Variants in MMP16 observed in about 807,000 individuals in gnomAD.
The protein encoded by MMP16 is matrix metallopeptidase 16.
Under a neutral mutation model 67.8 loss-of-function variants are expected in MMP16, and 12 were observed. The ratio of observed to expected loss-of-function variants is 0.18; its 90% confidence interval spans 0.11 to 0.29. The LOEUF (loss-of-function observed/expected upper bound fraction) is 0.29, where lower values mean the gene tolerates loss of function less well. Ranked by LOEUF, MMP16 falls within the 10% of genes least tolerant of loss-of-function variation. The pLI is 1.00. For synonymous variants in MMP16, 249 were observed against 255.9 expected (o/e 0.97, Z 0.26); for missense variants, 475 against 765.7 (o/e 0.62, Z 4.48).
At chr8:88,131,877 T>C (rs971427884) in intron 4 of MMP16, among the ~76,000 whole-genome samples, 1 of 151,916 alleles carries the variant, frequency 6.6e-6, no homozygotes, top group Non-Finnish European at 1.5e-5. Context: ...TTTTAGTATG[T>C]TTTATTTTGA....
At chr8:88,312,166 A>G (rs1243270478) in intron 1 of MMP16, among the ~76,000 whole-genome samples, 7 of 152,276 alleles carry the variant, frequency 4.6e-5, no homozygotes, top group African/African-American at 1.7e-4. Context: ...AGCTGAGAAG[A>G]GAGATGCCAA....
Position 88,186,136 on chromosome 8 carries a change from G to C in MMP16, c.404+340C>G, listed in dbSNP as rs529266871. Among the ~76,000 whole-genome samples, 3 of 151,936 alleles carry C rather than the reference G, an allele frequency of 2.0e-5. No individual in the cohort carries two copies. The East Asian group carries it at 5.8e-4, about 29-fold the overall frequency. ...TCAACAACATTCTGTTTAAATAGCAGTTATTTATATATTTTATTATTTGAT... is the reference window on the plus strand; with the variant it reads ...TCAACAACATTCTGTTTAAATAGCACTTATTTATATATTTTATTATTTGAT... On this transcript the variant is annotated intron_variant, in intron 3 of 9. Coordinates refer to ENST00000286614, the MANE Select transcript of MMP16 (RefSeq NM_005941.5).
At chr8:88,295,761 G>C (rs1811002874) in intron 1 of MMP16, among the ~76,000 whole-genome samples, 1 of 152,086 alleles carries the variant, frequency 6.6e-6, no homozygotes. Context: ...AAAGAAGTAA[G>C]GTAATTCTGA....
chr8:88,133,149 G>A (rs2118479579), intron 4 of MMP16, among the ~76,000 whole-genome samples: 1 of 151,580 alleles, frequency 6.6e-6, no homozygotes, highest in South Asian at 2.1e-4. Context: ...TACTGTTTTG[G>A]GAATTCATGT....
chr8:88,269,186 A>G (rs1450491053), intron 1 of MMP16, among the ~76,000 whole-genome samples: 1 of 152,088 alleles, frequency 6.6e-6, no homozygotes, highest in African/African-American at 2.4e-5. Flanking sequence ...CATCTTAAGA[A>G]TTTTTTAACT....
chr8:88,153,846 A>C lies in MMP16; in HGVS notation c.709+13823T>G, dbSNP rs185884049. Among the ~76,000 whole-genome samples the C allele has an allele frequency of 7.6e-3, 1,154 of 152,068 alleles. 12 individuals carry two copies. The highest frequency in any genetic ancestry group is 0.027 in the African/African-American group (1,100 of 41,458). On this transcript the variant is annotated intron_variant, in intron 4 of 9. Coordinates refer to ENST00000286614, the MANE Select transcript of MMP16 (RefSeq NM_005941.5). ...CCAAAACACCAAAAGCAATGGCAACAAAAGCCAAAAGTGACAAATGGGATC... is the reference window on the plus strand; with the variant it reads ...CCAAAACACCAAAAGCAATGGCAACCAAAGCCAAAAGTGACAAATGGGATC...
intron 1 of MMP16, among the ~76,000 whole-genome samples, chr8:88,299,891 C>T (rs558685815): frequency 6.6e-6 from 1 of 152,238 alleles, no homozygotes; most frequent in South Asian, 2.1e-4. Context: ...CATCCCATGT[C>T]TTTCCAGATT....
Position 88,183,915 on chromosome 8 carries a change from T to A in MMP16, c.404+2561A>T, listed in dbSNP as rs539767353. Among the ~76,000 whole-genome samples, 379 of 151,714 alleles carry A rather than the reference T, an allele frequency of 2.5e-3. 2 individuals carry two copies. The highest frequency in any genetic ancestry group is 4.0e-3 in the Non-Finnish European group (274 of 67,914). Reference sequence around the variant, plus strand: ...TTATTTATTTAGTATTTATTTATTTTTTTTTATTTTAGTATAGACAGGGTT... The same window carrying A: ...TTATTTATTTAGTATTTATTTATTTATTTTTATTTTAGTATAGACAGGGTT... On this transcript the variant is annotated intron_variant, in intron 3 of 9. Coordinates refer to ENST00000286614, the MANE Select transcript of MMP16 (RefSeq NM_005941.5).
intron 4 of MMP16, among the ~76,000 whole-genome samples, chr8:88,119,343 T>C (rs1807780942): frequency 6.6e-6 from 1 of 152,040 alleles, no homozygotes; most frequent in South Asian, 2.1e-4. Context: ...AGAGCTGAGA[T>C]TGGGACTCAA....
At chr8:88,060,852 T>A (rs1808389957) in intron 7 of MMP16, among the ~76,000 whole-genome samples, 1 of 152,020 alleles carries the variant, frequency 6.6e-6, no homozygotes, top group African/African-American at 2.4e-5. Context: ...GAACCATGTT[T>A]AATATTACAT....
intron 1 of MMP16, among the ~76,000 whole-genome samples, chr8:88,219,268 G>C (rs1409438761): frequency 6.6e-6 from 1 of 151,826 alleles, no homozygotes; most frequent in Non-Finnish European, 1.5e-5. Context: ...TCGCACATCA[G>C]GCAAATCTCA....
At chr8:88,134,558 C>A (rs1350847683) in intron 4 of MMP16, among the ~76,000 whole-genome samples, 1 of 151,452 alleles carries the variant, frequency 6.6e-6, no homozygotes, top group Non-Finnish European at 1.5e-5. Context: ...GTATTATACA[C>A]TGTCAAAGAT....
intron 6 of MMP16, among the ~76,000 whole-genome samples, chr8:88,110,841 T>G (rs983972309): frequency 4.6e-5 from 7 of 151,680 alleles, no homozygotes; most frequent in African/African-American, 1.5e-4. Context: ...TTGAGTTAAT[T>G]AATATGATGA....
At chr8:88,225,943 G>A (rs767606152) in intron 1 of MMP16, among the ~76,000 whole-genome samples, 1 of 151,770 alleles carries the variant, frequency 6.6e-6, no homozygotes, top group Non-Finnish European at 1.5e-5. Flanking sequence ...TAGAAATAGC[G>A]CATTCATTCC....
At chr8:88,200,364 A>G (rs1809323520) in intron 1 of MMP16, among the ~76,000 whole-genome samples, 1 of 152,028 alleles carries the variant, frequency 6.6e-6, no homozygotes, top group Admixed American at 6.6e-5. Context: ...CTTTAAGGCA[A>G]ACTTTGACTC....
intron 4 of MMP16, among the ~76,000 whole-genome samples, chr8:88,124,581 C>G (rs1314601029): frequency 1.3e-5 from 2 of 151,956 alleles, no homozygotes; most frequent in Non-Finnish European, 2.9e-5. Context: ...ACGATGGCCA[C>G]CCTGTCAAGC....
At chr8:88,315,838 C>G (rs1302566841) in intron 1 of MMP16, among the ~76,000 whole-genome samples, 1 of 152,054 alleles carries the variant, frequency 6.6e-6, no homozygotes, top group Admixed American at 6.6e-5. Flanking sequence ...CAAGATAGGC[C>G]AAGAGCTAGG....
At chr8:88,061,563 T>C (rs190916177) in intron 7 of MMP16, among the ~76,000 whole-genome samples, 113 of 152,172 alleles carry the variant, frequency 7.4e-4, no homozygotes, top group African/African-American at 2.6e-3. Flanking sequence ...CTTCCAGGCT[T>C]TTTTTAGTGA....
At chr8:88,231,289 T>A (rs892860523) in intron 1 of MMP16, among the ~76,000 whole-genome samples, 4 of 152,308 alleles carry the variant, frequency 2.6e-5, no homozygotes, top group Middle Eastern at 3.4e-3. Context: ...CGGTTCTAGA[T>A]ATAACCCAGT....
Sources: allele counts gnomAD v4.1 joint callset (sites outside exome capture counted in the v4.1 genomes callset), GRCh38; gene constraint gnomAD v4.1.1; transcripts MANE v1.5; gene names NCBI Gene and HGNC (gene_info 2026-07-23, HGNC 2026-07-21).